The following INMT variants were observed in gnomAD, a reference collection of about 807,000 sequenced individuals.
The protein encoded by INMT is amine N-methyltransferase.
In INMT, 11 loss-of-function variants were observed where a neutral mutation model predicts 11.5. The observed-to-expected ratio is 0.95, with a 90% CI of 0.60 to 1.58. The LOEUF (loss-of-function observed/expected upper bound fraction) is 1.58, where lower values mean the gene tolerates loss of function less well. Ranked by LOEUF, INMT falls within the 40% of genes most tolerant of loss-of-function variation. The probability of loss-of-function intolerance (pLI) is 0.00; values close to 1 mark genes in which losing one functional copy is unlikely to be tolerated. For missense variants in INMT, 316 were observed against 336.1 expected (o/e 0.94, Z 0.47); for synonymous variants, 155 against 142.9 (o/e 1.08, Z -0.60).
In INMT at chr7:30,754,074, A is replaced by T. The variant is rs1786163161; in HGVS notation, c.362+136A>T. 2.4e-6 allele frequency: 2 copies of T among 830,582 alleles called. No homozygotes were observed. Among genetic ancestry groups the T allele is most frequent in the Admixed American group, 2.7e-5 (1 of 36,408 alleles). 51.5% of individuals were successfully genotyped at this position (830,582 alleles called of 1,614,324 possible). A position where few individuals can be genotyped will look rare whatever the true frequency, so the allele number is the denominator to read the frequency against. ...TAGGACCAGATGTCCTGTGGTGGGG[A>T]TAGAGTAGATGGAATCCCAAGTTTC... On this transcript the variant is annotated intron_variant, in intron 2 of 2. Coordinates refer to ENST00000013222, the MANE Select transcript of INMT (RefSeq NM_006774.5). The surrounding 1 kb of genome is among the most constrained non-coding windows in gnomAD (Gnocchi z 4.9).
At position 30,755,434 on chromosome 7, in the gene INMT, G is replaced by A; in HGVS notation, c.375G>A (p.Glu125=). 1 of 1,595,782 alleles carries A rather than the reference G, an allele frequency of 6.3e-7. No homozygotes were observed. Among genetic ancestry groups the A allele is most frequent in the Non-Finnish European group, 8.5e-7 (1 of 1,178,128 alleles). ...CELEGNSGRW[E]EKEEKLRAAV... is the part of the protein sequence containing the mutation. ...TCTCTCTCTGCAGCGGCCGATGGGAGGAGAAGGAGGAGAAGCTGCGGGCAG... is the reference window on the plus strand; with the variant it reads ...TCTCTCTCTGCAGCGGCCGATGGGAAGAGAAGGAGGAGAAGCTGCGGGCAG... Residue 125 remains glutamate, a synonymous_variant, in exon 3 of 3, where the codon GAG becomes GAA. Transcript: ENST00000013222.
chr7:30,752,440 GC>G (rs11354576), intron 1 of INMT, 136 bp downstream of exon 1: 216,002 of 647,694 alleles, frequency 0.33, 39,864 homozygotes, highest in Non-Finnish European at 0.37. Context: ...CTGGGGCCCT[GC>G]CCCCTCTCTT....
chr7:30,753,087 G>T (rs1417213734), intron 1 of INMT, among the ~76,000 whole-genome samples: 2 of 152,208 alleles, frequency 1.3e-5, no homozygotes, highest in Non-Finnish European at 2.9e-5. Context: ...AAGCTTGGAA[G>T]GCCAAGTGAT....
Position 30,752,227 on chromosome 7 carries a change from G to C in INMT, c.77G>C (p.Ser26Thr), listed in dbSNP as rs912687607. ...LPRDYLATYY[S>T]FDGSPSPEAE... Reference sequence around the variant, plus strand: ...AGGGACTACTTGGCTACTTACTACAGCTTCGATGGCAGCCCCTCACCCGAG... The same window carrying C: ...AGGGACTACTTGGCTACTTACTACACCTTCGATGGCAGCCCCTCACCCGAG... Residue 26 changes from serine to threonine, a missense_variant, in exon 1 of 3, where the codon AGC becomes ACC. Physicochemically the swap from Ser to Thr is moderately conservative, Grantham distance 58. Coordinates refer to ENST00000013222, the MANE Select transcript of INMT (RefSeq NM_006774.5). 1.9e-6 allele frequency: 3 copies of C among 1,614,114 alleles called. No homozygotes were observed. The highest frequency in any genetic ancestry group is 2.5e-6 in the Non-Finnish European group (3 of 1,179,978).
chr7:30,755,230 C>A (rs974877738), intron 2 of INMT, among the ~76,000 whole-genome samples, 192 bp from the exon 3 acceptor site: 13 of 152,186 alleles, frequency 8.5e-5, no homozygotes, highest in African/African-American at 3.1e-4. Flanking sequence ...TCTAGCCATT[C>A]TCCCTAACCA....
chr7:30,755,877 G>T lies in INMT; in HGVS notation c.*26G>T. ...GCCAGGAGGGCCAGCCAGAGGTCTG[G>T]TCAGGCTGTGAGGCCTTGGCCATCT... On this transcript the variant is annotated 3_prime_UTR_variant, in exon 3 of 3. Transcript: ENST00000013222. 2 of 1,588,946 alleles carry T rather than the reference G, an allele frequency of 1.3e-6. No individual in the cohort carries two copies. Among genetic ancestry groups the T allele is most frequent in the Non-Finnish European group, 1.7e-6 (2 of 1,168,264 alleles).
chr7:30,755,490 A>G lies in INMT; in HGVS notation c.431A>G (p.His144Arg), dbSNP rs145951192. The G allele has an allele frequency of 9.9e-5, 158 of 1,603,836 alleles. 1 individual carries two copies. In the African/African-American group the frequency reaches 1.7e-3, roughly 17 times the overall value. The change falls in exon 3 of 3, where the codon CAC (histidine) becomes CGC (arginine). Residue 144 changes from histidine to arginine, a missense_variant. By Grantham distance (29) the His-to-Arg change is conservative. Transcript: ENST00000013222. The part of the protein sequence containing the change: ...AVKRVLKCDV[H>R]LGNPLAPAVL... Reference sequence around the variant, plus strand: ...AAGCGGGTGCTCAAGTGCGATGTCCACCTGGGCAACCCGCTGGCCCCGGCT... The same window carrying G: ...AAGCGGGTGCTCAAGTGCGATGTCCGCCTGGGCAACCCGCTGGCCCCGGCT...
intron 1 of INMT, 42 bp from the exon 2 acceptor site, chr7:30,753,689 C>T (rs549242074): frequency 1.3e-4 from 208 of 1,569,500 alleles, no homozygotes; most frequent in Non-Finnish European, 1.6e-4. Flanking sequence ...CCTTGGGTCT[C>T]GTTTCTTTTA....
In INMT at chr7:30,752,273, C is replaced by T. The variant is rs555304365; in HGVS notation, c.123C>T (p.Asn41=). 1 of 1,614,116 alleles carries T rather than the reference C, an allele frequency of 6.2e-7. No homozygotes were observed. Among genetic ancestry groups the T allele is most frequent in the Admixed American group, 1.7e-5 (1 of 60,012 alleles). ...PSPEAEMLKF[N]LECLHKTFGP... ...CCGAGGCCGAGATGCTGAAGTTTAACTTGGAATGTCTCCACAAGACCTTCG... is the reference window on the plus strand; with the variant it reads ...CCGAGGCCGAGATGCTGAAGTTTAATTTGGAATGTCTCCACAAGACCTTCG... Residue 41 remains asparagine (N), a synonymous_variant, in exon 1 of 3, where the codon AAC becomes AAT. Transcript: ENST00000013222.
Position 30,757,361 on chromosome 7 carries a change from GA to G in INMT, c.*1511del. 4.1e-6 allele frequency: 1 copy of G among 241,964 alleles called. No homozygotes were observed. The highest frequency in any genetic ancestry group is 1.5e-4 in the East Asian group (1 of 6,532). 15.0% of individuals were successfully genotyped at this position (241,964 alleles called of 1,614,324 possible). ...GGGCACACTGGCGCCCAGTAAGAGAGAGAGAGAGCCAAAGCTGTCCGTTTTG... is the reference window on the plus strand; with the variant it reads ...GGGCACACTGGCGCCCAGTAAGAGAGGAGAGAGCCAAAGCTGTCCGTTTTG... On this transcript the variant is annotated 3_prime_UTR_variant, in exon 3 of 3. Coordinates refer to ENST00000013222, the MANE Select transcript of INMT (RefSeq NM_006774.5).
intron 1 of INMT, among the ~76,000 whole-genome samples, chr7:30,753,207 C>T (rs1584194958): frequency 6.6e-6 from 1 of 152,196 alleles, no homozygotes; most frequent in South Asian, 2.1e-4. Context: ...TCTCCTTAGC[C>T]CCGGCTTCCT....
intron 1 of INMT, among the ~76,000 whole-genome samples, chr7:30,753,215 C>T (rs1584194989): frequency 6.6e-6 from 1 of 152,226 alleles, no homozygotes; most frequent in Non-Finnish European, 1.5e-5. Context: ...GCCCCGGCTT[C>T]CTATTCCTGT....
chr7:30,756,703 GCCAGGGGGAATGTT>G lies in INMT; in HGVS notation c.*854_*867del, dbSNP rs1562834494. 6.6e-6 allele frequency: 1 copy of G among 152,372 alleles called. No homozygotes were observed. Among genetic ancestry groups the G allele is most frequent in the Non-Finnish European group, 1.5e-5 (1 of 68,168 alleles). 9.4% of individuals were successfully genotyped at this position (152,372 alleles called of 1,614,324 possible). A position where few individuals can be genotyped will look rare whatever the true frequency, so the allele number is the denominator to read the frequency against. On this transcript the variant is annotated 3_prime_UTR_variant, in exon 3 of 3. Coordinates refer to ENST00000013222, the MANE Select transcript of INMT (RefSeq NM_006774.5). Reference sequence around the variant, plus strand: ...TTACAGGCGTGAGCCACCGCACCCAGCCAGGGGGAATGTTCTATAACCAGCTCTGTAAAGGAAAA... The same window carrying G: ...TTACAGGCGTGAGCCACCGCACCCAGCTATAACCAGCTCTGTAAAGGAAAA...
rs1339913646 is a variant in INMT at position 30,754,531 on chromosome 7, A to G, written c.362+593A>G. Among the ~76,000 whole-genome samples the G allele has an allele frequency of 6.6e-6, 1 of 150,630 alleles. No individual in the cohort carries two copies. Among genetic ancestry groups the G allele is most frequent in the Non-Finnish European group, 1.5e-5 (1 of 67,720 alleles). On this transcript the variant is annotated intron_variant, in intron 2 of 2. Coordinates refer to ENST00000013222, the MANE Select transcript of INMT (RefSeq NM_006774.5). This position sits in a 1 kb window ranked among gnomAD's most constrained non-coding sequence, Gnocchi z 4.9. ...TCCACCCATTCATATCCATCCATCC[A>G]TCCACATACATCCGCCCAGCCATCC...
chr7:30,756,223 T>C lies in INMT; in HGVS notation c.*372T>C. ...TAAGGACAAGGAAACCTCTGGACAG[T>C]GGTATATTGGGGAATTTTTTTTTTT... is the stretch of plus-strand genomic sequence containing the variant. On this transcript the variant is annotated 3_prime_UTR_variant, in exon 3 of 3. Transcript: ENST00000013222. 2 of 1,001,830 alleles carry C rather than the reference T, an allele frequency of 2.0e-6. No homozygotes were observed. Among genetic ancestry groups the C allele is most frequent in the Non-Finnish European group, 2.4e-6 (2 of 842,482 alleles). 62.1% of individuals were successfully genotyped at this position (1,001,830 alleles called of 1,614,324 possible). A position where few individuals can be genotyped will look rare whatever the true frequency, so the allele number is the denominator to read the frequency against.
rs894570468 is a variant in INMT, at chr7:30,756,305, G to A, written c.*454G>A. On this transcript the variant is annotated 3_prime_UTR_variant, in exon 3 of 3. Coordinates refer to ENST00000013222, the MANE Select transcript of INMT (RefSeq NM_006774.5). ...GGCTAGAGTGCAATGGCACGATCTCGGCTCACTGCAAGCTCTGCGTCCTGG... is the reference window on the plus strand; with the variant it reads ...GGCTAGAGTGCAATGGCACGATCTCAGCTCACTGCAAGCTCTGCGTCCTGG... The A allele has an allele frequency of 7.5e-6, 6 of 800,192 alleles. No individual in the cohort carries two copies. The highest frequency in any genetic ancestry group is 6.0e-5 in the Admixed American group (1 of 16,768). 49.6% of individuals were successfully genotyped at this position (800,192 alleles called of 1,614,324 possible).
Position 30,755,948 on chromosome 7 carries a change from G to T in INMT, c.*97G>T. The T allele has an allele frequency of 1.4e-6, 2 of 1,476,158 alleles. No individual in the cohort carries two copies. Among genetic ancestry groups the T allele is most frequent in the African/African-American group, 1.4e-5 (1 of 71,348 alleles). 91.4% of individuals were successfully genotyped at this position (1,476,158 alleles called of 1,614,324 possible). ...GAATGGATACTGTCTAACAGTCTCT[G>T]ATTTCAACACTAACATTCCATCTTC... On this transcript the variant is annotated 3_prime_UTR_variant, in exon 3 of 3. Transcript: ENST00000013222.
Position 30,756,835 on chromosome 7 carries a change from A to C in INMT, c.*984A>C, listed in dbSNP as rs1786275414. On this transcript the variant is annotated 3_prime_UTR_variant, in exon 3 of 3. Coordinates refer to ENST00000013222, the MANE Select transcript of INMT (RefSeq NM_006774.5). ...CCAGTGGTTTAATAACCAGCTCATA[A>C]ATCTCCTAAATATTTTACAGTTGAC... The C allele has an allele frequency of 6.6e-6, 1 of 152,246 alleles. No individual in the cohort carries two copies. Among genetic ancestry groups the C allele is most frequent in the Non-Finnish European group, 1.5e-5 (1 of 68,054 alleles). The allele number at this position is 152,246 out of a possible 1,614,324, so 9.4% of individuals were successfully genotyped here.
At position 30,753,923 on chromosome 7, in the gene INMT, A is replaced by T; in HGVS notation, c.347A>T (p.Glu116Val). 1.2e-6 allele frequency: 2 copies of T among 1,613,900 alleles called. No individual in the cohort carries two copies. Reference sequence around the variant, plus strand: ...ACCCCAGCGGTGAAATTCGCCTGTGAGCTGGAAGGAAACAGGTAGGGGTGC... The same window carrying T: ...ACCCCAGCGGTGAAATTCGCCTGTGTGCTGGAAGGAAACAGGTAGGGGTGC... Reference protein sequence around the residue: ...DWTPAVKFACELEGNSGRWEE... With the variant: ...DWTPAVKFACVLEGNSGRWEE... Residue 116 changes from glutamate (E) to valine (V), a missense_variant, in exon 2 of 3, where the codon GAG becomes GTG. By Grantham distance (121) the Glu-to-Val change is moderately radical. Transcript: ENST00000013222.
Sources: allele counts gnomAD v4.1 joint callset (sites outside exome capture counted in the v4.1 genomes callset), GRCh38; gene constraint gnomAD v4.1.1; non-coding constraint Gnocchi (gnomAD v3.1); transcripts MANE v1.5; gene names NCBI Gene and HGNC (gene_info 2026-07-23, HGNC 2026-07-21).